Variants in SHROOM3 observed in about 807,000 individuals in gnomAD.
SHROOM3 encodes the protein shroom family member 3, also known as protein Shroom3.
A neutral mutation model predicts 138.6 loss-of-function variants in SHROOM3; 47 were observed. That is an observed-to-expected ratio of 0.34 (90% CI 0.27 to 0.43). The LOEUF is 0.43. SHROOM3 is among the 20% of genes least tolerant of loss of function. The pLI, the probability that SHROOM3 is intolerant of heterozygous loss-of-function variation, is 1.00. For missense variants in SHROOM3, 2,491 were observed against 2,596.5 expected, an observed-to-expected ratio of 0.96 and a Z score of 0.88; for synonymous variants, 1,062 against 1,063.3, an observed-to-expected ratio of 1.00 and a Z score of 0.02.
At chr4:76,681,924 G>A (rs1396230774) in intron 2 of SHROOM3, among the ~76,000 whole-genome samples, 2 of 151,934 alleles carry the variant, frequency 1.3e-5, no homozygotes, top group Admixed American at 6.6e-5. Flanking sequence ...TCAGTTCTCC[G>A]GAGTCTTGCC....
At chr4:76,745,607 A>G (rs1393248992) in intron 5 of SHROOM3, among the ~76,000 whole-genome samples, 1 of 152,252 alleles carries the variant, frequency 6.6e-6, no homozygotes, top group Non-Finnish European at 1.5e-5. Flanking sequence ...TTGACTTTCC[A>G]CAAAATGTGA....
chr4:76,603,035 G>A (rs1454152434), intron 2 of SHROOM3, among the ~76,000 whole-genome samples: 1 of 152,076 alleles, frequency 6.6e-6, no homozygotes, highest in Non-Finnish European at 1.5e-5. Context: ...TGGACTGATC[G>A]ATAGACCCAT....
chr4:76,592,275 GAGGC>G (rs1451505790), intron 2 of SHROOM3, among the ~76,000 whole-genome samples: 2 of 152,196 alleles, frequency 1.3e-5, no homozygotes, highest in African/African-American at 4.8e-5. Flanking sequence ...GGGTCACTGG[GAGGC>G]AGTTAGCTTT....
At chr4:76,692,779 A>G (rs1208068994) in intron 2 of SHROOM3, among the ~76,000 whole-genome samples, 1 of 152,262 alleles carries the variant, frequency 6.6e-6, no homozygotes, top group Admixed American at 6.5e-5. Flanking sequence ...AATTCTATTC[A>G]TGAAGTGCTA....
At chr4:76,650,639 G>C (rs1319783456) in intron 2 of SHROOM3, among the ~76,000 whole-genome samples, 1 of 151,958 alleles carries the variant, frequency 6.6e-6, no homozygotes, top group Non-Finnish European at 1.5e-5. Context: ...CTGCTGCCCG[G>C]GTTCAAGCGA....
At chr4:76,536,447 C>A (rs375330804) in intron 1 of SHROOM3, among the ~76,000 whole-genome samples, 40 of 152,226 alleles carry the variant, frequency 2.6e-4, no homozygotes, top group African/African-American at 9.4e-4. Context: ...AATAGGCATT[C>A]ATTCCCAGCG....
At chr4:76,767,483 G>A (rs1722202022) in intron 9 of SHROOM3, among the ~76,000 whole-genome samples, 2 of 152,172 alleles carry the variant, frequency 1.3e-5, no homozygotes, top group African/African-American at 2.4e-5. Flanking sequence ...TTCGAGACCA[G>A]CCTGACCAAC....
At chr4:76,620,212 G>A (rs1734973290) in intron 2 of SHROOM3, among the ~76,000 whole-genome samples, 1 of 152,138 alleles carries the variant, frequency 6.6e-6, no homozygotes, top group African/African-American at 2.4e-5. Flanking sequence ...TGGGAAGACA[G>A]TCTGGGACTT....
At chr4:76,529,856 T>C (rs1195243291) in intron 1 of SHROOM3, among the ~76,000 whole-genome samples, 1 of 152,218 alleles carries the variant, frequency 6.6e-6, no homozygotes, top group African/African-American at 2.4e-5. Flanking sequence ...TTTTGCATTC[T>C]TTTGAATCTC....
At chr4:76,462,622 C>A (rs1731162625) in intron 1 of SHROOM3, among the ~76,000 whole-genome samples, 1 of 152,002 alleles carries the variant, frequency 6.6e-6, no homozygotes. Context: ...TGAGTGAGTG[C>A]TCATGAGATC....
intron 1 of SHROOM3, among the ~76,000 whole-genome samples, chr4:76,458,353 AG>A (rs1236996061): frequency 6.6e-6 from 1 of 152,316 alleles, no homozygotes; most frequent in East Asian, 1.9e-4. Context: ...TGGGATTTTA[AG>A]TGATTCATAT....
At chr4:76,657,633 G>GT (rs1736094033) in intron 2 of SHROOM3, among the ~76,000 whole-genome samples, 1 of 152,198 alleles carries the variant, frequency 6.6e-6, no homozygotes, top group Non-Finnish European at 1.5e-5. Flanking sequence ...CTGTTTGGGG[G>GT]TGGGGGGGTC....
intron 4 of SHROOM3, among the ~76,000 whole-genome samples, chr4:76,735,839 T>TAA (rs1170202101): frequency 5.3e-4 from 40 of 75,818 alleles, no homozygotes; most frequent in Non-Finnish European, 6.8e-4. Flanking sequence ...GACTCTATCT[T>TAA]AAAAAAAAAA....
intron 2 of SHROOM3, among the ~76,000 whole-genome samples, chr4:76,597,742 G>A (rs564270368): frequency 1.3e-5 from 2 of 152,294 alleles, no homozygotes; most frequent in African/African-American, 4.8e-5. Context: ...ATGAGATCTG[G>A]CTTCTAGCGA....
At chr4:76,519,155 A>G (rs1335815558) in intron 1 of SHROOM3, among the ~76,000 whole-genome samples, 1 of 152,136 alleles carries the variant, frequency 6.6e-6, no homozygotes, top group African/African-American at 2.4e-5. Flanking sequence ...CCAGTGAAAC[A>G]CTATGGTTGG....
chr4:76,452,723 GT>G (rs905836231), intron 1 of SHROOM3, among the ~76,000 whole-genome samples: 1 of 152,120 alleles, frequency 6.6e-6, no homozygotes, highest in African/African-American at 2.4e-5. Context: ...GTATAGATAT[GT>G]TTTTGTTTTT....
At chr4:76,726,409 TG>T (rs1166592900) in intron 3 of SHROOM3, among the ~76,000 whole-genome samples, 1 of 152,004 alleles carries the variant, frequency 6.6e-6, no homozygotes, top group East Asian at 1.9e-4. Flanking sequence ...AATTTCTATA[TG>T]CAGCCCAGCC....
At chr4:76,587,861 T>C (rs1313186473) in intron 2 of SHROOM3, among the ~76,000 whole-genome samples, 2 of 152,202 alleles carry the variant, frequency 1.3e-5, no homozygotes, top group Admixed American at 1.3e-4. Flanking sequence ...GTTGAAGTTG[T>C]TAAAGAGAAA....
intron 10 of SHROOM3, among the ~76,000 whole-genome samples, chr4:76,777,443 T>C (rs1722604326): frequency 6.6e-6 from 1 of 152,218 alleles, no homozygotes; most frequent in Admixed American, 6.5e-5. Context: ...TGTACATTGA[T>C]TTTGTATCCT....
Sources: allele counts gnomAD v4.1 joint callset (sites outside exome capture counted in the v4.1 genomes callset), GRCh38; gene constraint gnomAD v4.1.1; transcripts MANE v1.5; gene names NCBI Gene and HGNC (gene_info 2026-07-23, HGNC 2026-07-21).